ASH1L: variants seen among roughly 807,000 people sequenced by gnomAD.
ASH1L encodes the protein histone-lysine N-methyltransferase ASH1L.
In ASH1L, 23 loss-of-function variants were observed where a neutral mutation model predicts 269.0. The ratio of observed to expected loss-of-function variants is 0.09; its 90% CI spans 0.06 to 0.12. ASH1L has a LOEUF of 0.12. ASH1L is among the 10% of genes least tolerant of loss of function. ASH1L has a pLI of 1.00. For missense variants in ASH1L, 2,912 were observed against 3,567.8 expected, an observed-to-expected ratio of 0.82 and a Z score of 4.68; for synonymous variants, 1,187 against 1,253.5, an observed-to-expected ratio of 0.95 and a Z score of 1.12.
intron 7 of ASH1L, among the ~76,000 whole-genome samples, 171 bp downstream of exon 7, chr1:155,395,284 CCTGA>C (rs1185120120): frequency 6.6e-6 from 1 of 152,040 alleles, no homozygotes; most frequent in African/African-American, 2.4e-5. Context: ...ACTGTGACCC[CCTGA>C]CTATCAAACA....
chr1:155,480,359 A>G lies in ASH1L; in HGVS notation c.2511T>C (p.Pro837=). 6.2e-7 allele frequency: 1 copy of G among 1,613,864 alleles called. No homozygotes were observed. The change falls in exon 3 of 28, where the codon CCT becomes CCC. Residue 837 remains proline (P), a synonymous_variant. Transcript: ENST00000392403. The part of the protein sequence containing the change: ...KRGRPKSKEM[P]QLEGPPKRTL... ...TCCTTTTAGGTGGCCCTTCCAGTTG[A>G]GGCATCTCCTTAGATTTAGGCCTTC...
intron 4 of ASH1L, among the ~76,000 whole-genome samples, chr1:155,458,467 C>A (rs1291206509): frequency 6.6e-6 from 1 of 152,176 alleles, no homozygotes; most frequent in African/African-American, 2.4e-5. Flanking sequence ...GTAATCCCAG[C>A]ACTTTTGGAG....
intron 2 of ASH1L, among the ~76,000 whole-genome samples, chr1:155,513,033 A>G (rs1668269096): frequency 6.6e-6 from 1 of 151,778 alleles, no homozygotes; most frequent in South Asian, 2.1e-4. Context: ...CTGCACTCCA[A>G]CCTAGGCAAT....
chr1:155,453,824 C>T (rs1663676175), intron 4 of ASH1L, among the ~76,000 whole-genome samples: 1 of 151,014 alleles, frequency 6.6e-6, no homozygotes, highest in African/African-American at 2.4e-5. Flanking sequence ...ACAAAAAGGC[C>T]GGGCACAGTG....
At chr1:155,444,873 T>C (rs1054496637) in intron 4 of ASH1L, among the ~76,000 whole-genome samples, 3 of 150,264 alleles carry the variant, frequency 2.0e-5, no homozygotes, top group Admixed American at 1.3e-4. Context: ...CGCCTCGGCC[T>C]CCCAAAGTGC....
At position 155,562,485 on chromosome 1, in the gene ASH1L, G is replaced by A. The variant is rs1179305183; in HGVS notation, c.-432C>T. ...GGCGGTGGCGGCGGCAGCTCCTCCA[G>A]AGGGAGGGAGCGAAGGGCGCCTAGC... is the stretch of plus-strand genomic sequence containing the variant. On this transcript the variant is annotated 5_prime_UTR_variant, in exon 1 of 28. Coordinates refer to ENST00000392403, the MANE Select transcript of ASH1L (RefSeq NM_018489.3). The A allele has an allele frequency of 1.4e-6, 2 of 1,474,566 alleles. No homozygotes were observed. Among genetic ancestry groups the A allele is most frequent in the Admixed American group, 4.0e-5 (2 of 50,370 alleles). The allele number at this position is 1,474,566 out of a possible 1,614,324, so 91.3% of individuals were successfully genotyped here. A position where few individuals can be genotyped will look rare whatever the true frequency, so the allele number is the denominator to read the frequency against.
At chr1:155,349,731 T>A in intron 17 of ASH1L, 135 bp from the exon 18 acceptor site, 1 of 871,764 alleles carries the variant, frequency 1.1e-6, no homozygotes, top group Admixed American at 2.9e-5. Flanking sequence ...TTTTTTTTTT[T>A]TTTGAGACAG....
chr1:155,541,100 G>A (rs1052712862), intron 1 of ASH1L, among the ~76,000 whole-genome samples: 5 of 152,068 alleles, frequency 3.3e-5, no homozygotes, highest in African/African-American at 7.2e-5. Flanking sequence ...TACCAATTAA[G>A]TTATTTAATA....
chr1:155,350,050 CG>C (rs1653751665), intron 17 of ASH1L, among the ~76,000 whole-genome samples: 1 of 151,920 alleles, frequency 6.6e-6, no homozygotes, highest in Non-Finnish European at 1.5e-5. Context: ...CCACCATGCC[CG>C]GCTAATTTTT....
At chr1:155,419,656 G>A (rs1660510254) in intron 5 of ASH1L, among the ~76,000 whole-genome samples, 1 of 152,136 alleles carries the variant, frequency 6.6e-6, no homozygotes, top group African/African-American at 2.4e-5. Flanking sequence ...GCAATGACCA[G>A]GCAGGAAGTT....
chr1:155,412,796 AAC>A (rs1262258464), intron 6 of ASH1L, among the ~76,000 whole-genome samples: 1 of 152,142 alleles, frequency 6.6e-6, no homozygotes, highest in Admixed American at 6.5e-5. Context: ...TATCCAGGAA[AAC>A]AGTGACAGAA....
intron 2 of ASH1L, among the ~76,000 whole-genome samples, chr1:155,519,488 G>A (rs1475521783): frequency 1.3e-5 from 2 of 152,060 alleles, no homozygotes. Context: ...CCACACAATG[G>A]ATTATTCAGC....
chr1:155,428,453 ATAT>A (rs1319550100), intron 5 of ASH1L, among the ~76,000 whole-genome samples: 1 of 111,076 alleles, frequency 9.0e-6, no homozygotes, highest in African/African-American at 2.9e-5. Context: ...AAAAAAAAAA[ATAT>A]ATATATATAT....
chr1:155,346,920 G>C (rs1162903907), intron 20 of ASH1L, among the ~76,000 whole-genome samples: 1 of 152,176 alleles, frequency 6.6e-6, no homozygotes, highest in Admixed American at 6.5e-5. Flanking sequence ...GGACACTAAG[G>C]CTCAAATCCA....
chr1:155,476,624 TC>T (rs1328573561), intron 3 of ASH1L, among the ~76,000 whole-genome samples: 1 of 151,328 alleles, frequency 6.6e-6, no homozygotes, highest in Non-Finnish European at 1.5e-5. Flanking sequence ...CTATCTCGGC[TC>T]ACTGCAAGCT....
At chr1:155,398,766 G>A (rs866562979) in intron 6 of ASH1L, among the ~76,000 whole-genome samples, 3 of 152,072 alleles carry the variant, frequency 2.0e-5, no homozygotes, top group Non-Finnish European at 4.4e-5. Context: ...GAGTGCAGTG[G>A]CGAGATCTCA....
intron 1 of ASH1L, among the ~76,000 whole-genome samples, chr1:155,536,005 A>C (rs1340733435): frequency 6.6e-6 from 1 of 152,038 alleles, no homozygotes; most frequent in African/African-American, 2.4e-5. Flanking sequence ...TCTCAAGAAA[A>C]AAAAAAAAAA....
At chr1:155,553,883 A>C (rs1222238940) in intron 1 of ASH1L, among the ~76,000 whole-genome samples, 1 of 149,556 alleles carries the variant, frequency 6.7e-6, no homozygotes, top group Non-Finnish European at 1.5e-5. Flanking sequence ...CGCAACCTCT[A>C]CCACCCAGGT....
At position 155,480,968 on chromosome 1, in the gene ASH1L, A is replaced by G. The variant is rs760194400; in HGVS notation, c.1902T>C (p.Asn634=). 51 of 1,613,960 alleles carry G rather than the reference A, an allele frequency of 3.2e-5. No homozygotes were observed. Among genetic ancestry groups the G allele is most frequent in the Non-Finnish European group, 4.3e-5 (51 of 1,179,982 alleles). ...TATCTATATGGGTAGTTTTTGAATCATTTACCTCTTTATCAATCCCTTTAC... is the reference window on the plus strand; with the variant it reads ...TATCTATATGGGTAGTTTTTGAATCGTTTACCTCTTTATCAATCCCTTTAC... ...IECKGIDKEV[N]DSKTTHIDIP... is the part of the protein sequence containing the mutation. The change falls in exon 3 of 28, where the codon AAT becomes AAC. Residue 634 remains asparagine (N), a synonymous_variant. Coordinates refer to ENST00000392403, the MANE Select transcript of ASH1L (RefSeq NM_018489.3).
Sources: gnomAD v4.1 joint callset for allele counts (sites outside exome capture counted in the v4.1 genomes callset) on GRCh38, gnomAD v4.1.1 for gene constraint, MANE v1.5 for transcripts, NCBI Gene and HGNC (gene_info 2026-07-23, HGNC 2026-07-21) for gene names.